Variants in GRIK2 observed in about 807,000 individuals in gnomAD.
GRIK2 encodes glutamate ionotropic receptor kainate type subunit 2, also known as glutamate receptor ionotropic, kainate 2.
In GRIK2, 32 loss-of-function variants were observed where a neutral mutation model predicts 100.3. That is an observed-to-expected ratio of 0.32 (90% CI 0.24 to 0.43). The LOEUF (loss-of-function observed/expected upper bound fraction) is 0.43, where lower values mean the gene tolerates loss of function less well. Ranked by LOEUF, GRIK2 falls within the 20% of genes least tolerant of loss-of-function variation. The pLI is 1.00. For missense variants in GRIK2, 843 were observed against 1,114.9 expected (o/e 0.76, Z 3.47); for synonymous variants, 417 against 389.4 (o/e 1.07, Z -0.83).
chr6:101,682,929 C>A (rs1218254980), intron 6 of GRIK2, among the ~76,000 whole-genome samples: 2 of 152,258 alleles, frequency 1.3e-5, no homozygotes, highest in Admixed American at 1.3e-4. Context: ...TTCAGCCGGG[C>A]ACAGTGGCTC....
chr6:101,682,292 C>G (rs1256915877), intron 5 of GRIK2, among the ~76,000 whole-genome samples: 1 of 152,176 alleles, frequency 6.6e-6, no homozygotes, highest in African/African-American at 2.4e-5. Context: ...TTAATGCCTT[C>G]TTTAATGTGT....
intron 7 of GRIK2, among the ~76,000 whole-genome samples, chr6:101,789,543 C>G (rs890928689): frequency 1.3e-5 from 2 of 152,086 alleles, no homozygotes; most frequent in Non-Finnish European, 2.9e-5. Flanking sequence ...TCTGAGGGCT[C>G]TGTTCTGTTC....
intron 10 of GRIK2, among the ~76,000 whole-genome samples, chr6:101,819,720 C>T (rs1024628406): frequency 6.6e-6 from 1 of 152,136 alleles, no homozygotes; most frequent in Non-Finnish European, 1.5e-5. Flanking sequence ...CTCATTACTT[C>T]CTGTTGGGAC....
chr6:102,059,382 C>A (rs912720652), intron 16 of GRIK2, among the ~76,000 whole-genome samples: 1 of 151,078 alleles, frequency 6.6e-6, no homozygotes, highest in African/African-American at 2.4e-5. Flanking sequence ...TCAACACATG[C>A]ATTTTATAAT....
intron 14 of GRIK2, among the ~76,000 whole-genome samples, chr6:101,959,389 G>T (rs1792143390): frequency 6.6e-6 from 1 of 152,060 alleles, no homozygotes; most frequent in Non-Finnish European, 1.5e-5. Context: ...ACTCATAGCA[G>T]TCTTTGATGA....
chr6:101,654,305 A>G (rs1450306074), intron 4 of GRIK2, among the ~76,000 whole-genome samples: 2 of 151,968 alleles, frequency 1.3e-5, no homozygotes, highest in Non-Finnish European at 2.9e-5. Flanking sequence ...TTCCTATTTT[A>G]TTTTACTTTT....
At chr6:101,710,918 A>G (rs898810499) in intron 7 of GRIK2, among the ~76,000 whole-genome samples, 2 of 151,758 alleles carry the variant, frequency 1.3e-5, no homozygotes, top group African/African-American at 4.8e-5. Context: ...ATCTTGTTTT[A>G]CTCAGATTAT....
intron 2 of GRIK2, among the ~76,000 whole-genome samples, chr6:101,479,592 C>T (rs1460782449): frequency 6.6e-6 from 1 of 151,910 alleles, no homozygotes; most frequent in African/African-American, 2.4e-5. Flanking sequence ...TTTGTAATTT[C>T]GGCATGGTTT....
At chr6:101,437,897 T>A (rs946299847) in intron 2 of GRIK2, among the ~76,000 whole-genome samples, 2 of 152,128 alleles carry the variant, frequency 1.3e-5, no homozygotes, top group African/African-American at 4.8e-5. Context: ...CTCGATGATC[T>A]TATGCTTTAA....
At chr6:101,435,270 C>A (rs1769647381) in intron 2 of GRIK2, among the ~76,000 whole-genome samples, 1 of 152,068 alleles carries the variant, frequency 6.6e-6, no homozygotes, top group Admixed American at 6.6e-5. Flanking sequence ...TGATGTGGCA[C>A]TTTCTGCTAT....
At chr6:101,827,871 C>T (rs1251290358) in intron 10 of GRIK2, among the ~76,000 whole-genome samples, 3 of 151,872 alleles carry the variant, frequency 2.0e-5, no homozygotes, top group Non-Finnish European at 4.4e-5. Flanking sequence ...ATTAGAGAGA[C>T]GATTGAGGCA....
intron 2 of GRIK2, among the ~76,000 whole-genome samples, chr6:101,432,248 A>G (rs1209027170): frequency 6.6e-6 from 1 of 152,102 alleles, no homozygotes; most frequent in African/African-American, 2.4e-5. Context: ...CCCTAGGAAG[A>G]GTTGCTTCCT....
chr6:101,629,801 A>G (rs1476166998), intron 4 of GRIK2, among the ~76,000 whole-genome samples: 1 of 152,034 alleles, frequency 6.6e-6, no homozygotes, highest in Non-Finnish European at 1.5e-5. Context: ...ATTGGGTACA[A>G]CTGAACCAAT....
chr6:101,887,625 A>C lies in GRIK2; in HGVS notation c.1525-2015A>C, dbSNP rs144592222. 1.4e-3 allele frequency among the ~76,000 whole-genome samples: 220 copies of C among 152,266 alleles called. 1 individual carries two copies. The highest frequency in any genetic ancestry group is 5.1e-3 in the African/African-American group (210 of 41,564). ...AGGTTCAATTGACTTACAGTTCTGT[A>C]AGCTGTATAGGAAGCATGGCTATGG... On this transcript the variant is annotated intron_variant, in intron 11 of 16. Transcript: ENST00000369134.
At chr6:101,850,135 G>C (rs923988971) in intron 10 of GRIK2, among the ~76,000 whole-genome samples, 5 of 151,948 alleles carry the variant, frequency 3.3e-5, no homozygotes, top group African/African-American at 1.2e-4. Context: ...AGAACATTCT[G>C]CATTCCACTT....
intron 7 of GRIK2, among the ~76,000 whole-genome samples, chr6:101,764,589 C>T (rs1437005118): frequency 6.6e-6 from 1 of 152,126 alleles, no homozygotes; most frequent in East Asian, 1.9e-4. Context: ...ACCATCTTCC[C>T]TTTGGCCCAA....
chr6:101,725,079 A>G (rs372681467), intron 7 of GRIK2, among the ~76,000 whole-genome samples: 12 of 152,054 alleles, frequency 7.9e-5, no homozygotes, highest in Admixed American at 1.3e-4. Context: ...TAAATCTACT[A>G]GTTACTTTGC....
At chr6:101,948,312 G>A (rs1791396126) in intron 14 of GRIK2, among the ~76,000 whole-genome samples, 1 of 150,224 alleles carries the variant, frequency 6.7e-6, no homozygotes, top group Admixed American at 6.6e-5. Flanking sequence ...TCTTAGAACT[G>A]TCTTTTTTTT....
chr6:101,480,814 A>G (rs1772489538), intron 2 of GRIK2, among the ~76,000 whole-genome samples: 1 of 152,202 alleles, frequency 6.6e-6, no homozygotes, highest in African/African-American at 2.4e-5. Context: ...TGGAAATATT[A>G]ACCCATTAAA....
Sources: gnomAD v4.1 joint callset for allele counts (sites outside exome capture counted in the v4.1 genomes callset) on GRCh38, gnomAD v4.1.1 for gene constraint, MANE v1.5 for transcripts, NCBI Gene and HGNC (gene_info 2026-07-23, HGNC 2026-07-21) for gene names.